The following NIBAN1 variants were observed in gnomAD, a reference collection of about 807,000 sequenced individuals.
The protein encoded by NIBAN1 is protein Niban 1.
Under a neutral mutation model 75.1 loss-of-function variants are expected in NIBAN1, and 81 were observed. The observed-to-expected ratio is 1.08, with a 90% CI of 0.90 to 1.30. NIBAN1 has a LOEUF of 1.30. NIBAN1 is among the 50% of genes most tolerant of loss of function. The pLI is 0.00. For synonymous variants in NIBAN1, 436 were observed against 424.8 expected, an observed-to-expected ratio of 1.03 and a Z score of -0.32; for missense variants, 1,133 against 1,128.1, an observed-to-expected ratio of 1.00 and a Z score of -0.06.
intron 5 of NIBAN1, among the ~76,000 whole-genome samples, chr1:184,875,857 C>T (rs1008208748): frequency 3.3e-5 from 5 of 152,080 alleles, no homozygotes; most frequent in Admixed American, 1.3e-4. Flanking sequence ...ATAATCTCCC[C>T]AGTCCAAATC....
chr1:184,972,673 A>G (rs977013007), intron 1 of NIBAN1, among the ~76,000 whole-genome samples: 1 of 152,264 alleles, frequency 6.6e-6, no homozygotes, highest in Non-Finnish European at 1.5e-5. Context: ...CACTTGCATT[A>G]CAAGTTCTTC....
chr1:184,858,297 T>C (rs888918077), intron 5 of NIBAN1, among the ~76,000 whole-genome samples: 1 of 151,800 alleles, frequency 6.6e-6, no homozygotes, highest in Non-Finnish European at 1.5e-5. Flanking sequence ...AGGGTTAATA[T>C]CTAAATGTTC....
At chr1:184,905,665 C>G (rs1657083051) in intron 1 of NIBAN1, among the ~76,000 whole-genome samples, 1 of 152,148 alleles carries the variant, frequency 6.6e-6, no homozygotes, top group Non-Finnish European at 1.5e-5. Flanking sequence ...GAGTAGAAAC[C>G]TCTTTGGATC....
chr1:184,813,077 G>A (rs1336025894), intron 9 of NIBAN1, among the ~76,000 whole-genome samples: 4 of 152,168 alleles, frequency 2.6e-5, no homozygotes, highest in East Asian at 1.9e-4. Flanking sequence ...CTAACAGTCT[G>A]GAGGCACCAG....
chr1:184,858,812 TG>T (rs1655742768), intron 5 of NIBAN1, among the ~76,000 whole-genome samples: 1 of 152,142 alleles, frequency 6.6e-6, no homozygotes, highest in African/African-American at 2.4e-5. Context: ...GGTTGAATCA[TG>T]TAGGGTGCAA....
At chr1:184,862,734 A>G (rs1655848106) in intron 5 of NIBAN1, among the ~76,000 whole-genome samples, 2 of 152,182 alleles carry the variant, frequency 1.3e-5, no homozygotes, top group African/African-American at 4.8e-5. Flanking sequence ...GAAAAGAAAC[A>G]AATCTCCCTT....
intron 1 of NIBAN1, among the ~76,000 whole-genome samples, chr1:184,970,030 A>T (rs898742749): frequency 6.6e-6 from 1 of 151,908 alleles, no homozygotes; most frequent in Non-Finnish European, 1.5e-5. Context: ...CTACCTGGGC[A>T]TGGTGGCACA....
Position 184,894,148 on chromosome 1 carries a change from T to C in NIBAN1, c.245A>G (p.Asp82Gly). 1 of 1,613,002 alleles carries C rather than the reference T, an allele frequency of 6.2e-7. No homozygotes were observed. Among genetic ancestry groups the C allele is most frequent in the Non-Finnish European group, 8.5e-7 (1 of 1,179,522 alleles). The change falls in exon 3 of 14, where the codon GAC (aspartate) becomes GGC (glycine). Residue 82 changes from aspartate (D) to glycine (G), a missense_variant. By Grantham distance (94) the Asp-to-Gly change is moderately conservative. Transcript: ENST00000367511. ...YEAELSQFSE[D>G]IKKWKERYVV... ...GTATCTCTCCTTCCACTTCTTTATGTCTTCAGAAAATTGTGATAGCTCTGC... is the reference window on the plus strand; with the variant it reads ...GTATCTCTCCTTCCACTTCTTTATGCCTTCAGAAAATTGTGATAGCTCTGC...
intron 5 of NIBAN1, among the ~76,000 whole-genome samples, chr1:184,880,036 A>C (rs1042392305): frequency 1.3e-4 from 20 of 152,176 alleles, no homozygotes; most frequent in Admixed American, 7.9e-4. Flanking sequence ...CTTTGTGTTC[A>C]TGACGATGTG....
At chr1:184,886,565 A>G (rs1656531439) in intron 4 of NIBAN1, among the ~76,000 whole-genome samples, 2 of 152,180 alleles carry the variant, frequency 1.3e-5, no homozygotes, top group African/African-American at 2.4e-5. Context: ...TAAACCGACT[A>G]CTATTCAGAA....
chr1:184,876,678 A>G lies in NIBAN1; in HGVS notation c.601+7955T>C, dbSNP rs562932061. ...ATAGCACCACTGCACTCCAGCCAAGACTCCATCTCAAAAAAAAAAAAGAAA... is the reference window on the plus strand; with the variant it reads ...ATAGCACCACTGCACTCCAGCCAAGGCTCCATCTCAAAAAAAAAAAAGAAA... On this transcript the variant is annotated intron_variant, in intron 5 of 13. Transcript: ENST00000367511. 4.0e-5 allele frequency among the ~76,000 whole-genome samples: 6 copies of G among 150,892 alleles called. No homozygotes were observed. In the East Asian group the frequency reaches 1.2e-3, roughly 29 times the overall value.
chr1:184,842,154 G>A (rs1331923192), intron 5 of NIBAN1, among the ~76,000 whole-genome samples: 1 of 152,184 alleles, frequency 6.6e-6, no homozygotes, highest in Non-Finnish European at 1.5e-5. Flanking sequence ...AACCCAGGTT[G>A]CAAATGATTC....
At chr1:184,931,901 C>T (rs1657834065) in intron 1 of NIBAN1, among the ~76,000 whole-genome samples, 1 of 152,222 alleles carries the variant, frequency 6.6e-6, no homozygotes, top group Admixed American at 6.5e-5. Context: ...CAACTGAGGT[C>T]ATGTTCACAT....
chr1:184,888,419 G>T (rs1482866902), intron 4 of NIBAN1, among the ~76,000 whole-genome samples: 3 of 152,104 alleles, frequency 2.0e-5, no homozygotes, highest in Non-Finnish European at 4.4e-5. Context: ...TTGATCCTTT[G>T]CATTTAAAAA....
At chr1:184,880,067 G>A (rs1656337936) in intron 5 of NIBAN1, among the ~76,000 whole-genome samples, 1 of 152,180 alleles carries the variant, frequency 6.6e-6, no homozygotes, top group Non-Finnish European at 1.5e-5. Flanking sequence ...TCTGTTTAGT[G>A]GCAGTCCTGG....
At chr1:184,932,749 G>A (rs556926303) in intron 1 of NIBAN1, among the ~76,000 whole-genome samples, 3 of 152,250 alleles carry the variant, frequency 2.0e-5, no homozygotes, top group Non-Finnish European at 4.4e-5. Flanking sequence ...TAAAAGTTAT[G>A]AATAATGTAT....
chr1:184,916,999 CT>C, intron 1 of NIBAN1, among the ~76,000 whole-genome samples: 2 of 152,232 alleles, frequency 1.3e-5, no homozygotes, highest in Middle Eastern at 6.8e-3. Context: ...GAAAATCTTT[CT>C]TCAAAATCTG....
At chr1:184,854,302 T>A (rs1655619834) in intron 5 of NIBAN1, among the ~76,000 whole-genome samples, 1 of 152,196 alleles carries the variant, frequency 6.6e-6, no homozygotes, top group Non-Finnish European at 1.5e-5. Context: ...CACCTGCCCA[T>A]GTTCAAACAG....
chr1:184,795,336 G>GC lies in NIBAN1; in HGVS notation c.2427dup (p.Pro810AlafsTer17). ...TCTCCTGGGAGCTCCCCCTCCATGG[G>GC]CCCCAGGGGCTCCTCGGTGAGCCCT... On this transcript the variant is annotated frameshift_variant, in exon 14 of 14. Coordinates refer to ENST00000367511, the MANE Select transcript of NIBAN1 (RefSeq NM_052966.4). LOFTEE classifies it low-confidence loss of function (END_TRUNC). 1 of 1,609,840 alleles carries GC rather than the reference G, an allele frequency of 6.2e-7. No individual in the cohort carries two copies. Among genetic ancestry groups the GC allele is most frequent in the Non-Finnish European group, 8.5e-7 (1 of 1,178,184 alleles).
Sources: gnomAD v4.1 joint callset for allele counts (sites outside exome capture counted in the v4.1 genomes callset) on GRCh38, gnomAD v4.1.1 for gene constraint, MANE v1.5 for transcripts, NCBI Gene and HGNC (gene_info 2026-07-23, HGNC 2026-07-21) for gene names.